The following KDM5B variants were observed in gnomAD, a reference collection of about 807,000 sequenced individuals.
KDM5B encodes the protein lysine-specific demethylase 5B.
Under a neutral mutation model 193.4 loss-of-function variants are expected in KDM5B, and 144 were observed. The ratio of observed to expected loss-of-function variants is 0.74; its 90% CI spans 0.65 to 0.86. The LOEUF is 0.86. Among genes scored for constraint, KDM5B ranks in the 40% least tolerant of loss-of-function variants. KDM5B has a pLI of 0.00. For missense variants in KDM5B, 1,833 were observed against 1,886.9 expected, an observed-to-expected ratio of 0.97 and a Z score of 0.53; for synonymous variants, 668 against 682.6, an observed-to-expected ratio of 0.98 and a Z score of 0.33.
At position 202,728,998 on chromosome 1, in the gene KDM5B, G is replaced by T. The variant is rs758897393; in HGVS notation, c.*38C>A. ...AAGAAATCCTCTTGGTTGGAGTCCT[G>T]AATTACATTAAGTAGGGGGGTATCT... On this transcript the variant is annotated 3_prime_UTR_variant, in exon 27 of 27. Coordinates refer to ENST00000367265, the MANE Select transcript of KDM5B (RefSeq NM_006618.5). 8 of 1,613,300 alleles carry T rather than the reference G, an allele frequency of 5.0e-6. No homozygotes were observed. Among genetic ancestry groups the T allele is most frequent in the South Asian group, 1.1e-5 (1 of 91,020 alleles).
At chr1:202,763,476 T>C (rs1166855974) in intron 6 of KDM5B, among the ~76,000 whole-genome samples, 1 of 152,256 alleles carries the variant, frequency 6.6e-6, no homozygotes. Flanking sequence ...ATTACTTTCC[T>C]GTGCATTGTG....
At position 202,788,676 on chromosome 1, in the gene KDM5B, T is replaced by C. The variant is rs560565920; in HGVS notation, c.205-11582A>G. Among the ~76,000 whole-genome samples, 112 of 152,314 alleles carry C rather than the reference T, an allele frequency of 7.4e-4. 1 individual carries two copies. Among genetic ancestry groups the C allele is most frequent in the Non-Finnish European group, 1.1e-3 (74 of 68,020 alleles). ...ATGATACTTCAATCACTGAATGGGATGAGAAGAAATTTCAGATCCTTCCCC... is the reference window on the plus strand; with the variant it reads ...ATGATACTTCAATCACTGAATGGGACGAGAAGAAATTTCAGATCCTTCCCC... On this transcript the variant is annotated intron_variant, in intron 1 of 26. Transcript: ENST00000367265.
At chr1:202,745,790 C>T in intron 16 of KDM5B, 68 bp downstream of exon 16, 1 of 1,573,728 alleles carries the variant, frequency 6.4e-7, no homozygotes, top group Non-Finnish European at 8.7e-7. Flanking sequence ...GTTTTGTTGA[C>T]TTTAATTTGG....
At chr1:202,748,862 G>A in intron 14 of KDM5B, 83 bp downstream of exon 14, 1 of 1,118,366 alleles carries the variant, frequency 8.9e-7, no homozygotes. Context: ...TAAAAAGACT[G>A]CTTAAAATGA....
intron 22 of KDM5B, among the ~76,000 whole-genome samples, chr1:202,734,735 A>G (rs931829873): frequency 1.3e-5 from 2 of 152,224 alleles, no homozygotes; most frequent in African/African-American, 4.8e-5. Context: ...ATCTGTGTCA[A>G]AATACCTAAA....
At chr1:202,771,630 G>A (rs899891569) in intron 4 of KDM5B, among the ~76,000 whole-genome samples, 12 of 151,564 alleles carry the variant, frequency 7.9e-5, no homozygotes, top group Admixed American at 6.6e-4. Context: ...CACCCAGGCT[G>A]GAGTGCAGTG....
At chr1:202,808,076 G>A (rs772884522) in intron 1 of KDM5B, 26 bp downstream of exon 1, 6 of 1,602,750 alleles carry the variant, frequency 3.7e-6, no homozygotes, top group South Asian at 1.1e-5. Flanking sequence ...GCCACGAGCT[G>A]GATCCGGGGT....
intron 1 of KDM5B, among the ~76,000 whole-genome samples, chr1:202,779,411 G>A (rs549233991): frequency 7.2e-5 from 11 of 151,934 alleles, no homozygotes; most frequent in East Asian, 1.9e-4. Context: ...CCCGGGAGGC[G>A]GAGTTTGCAG....
intron 20 of KDM5B, 92 bp from the exon 21 acceptor site, chr1:202,736,484 C>G (rs1655100837): frequency 2.3e-6 from 2 of 883,716 alleles, no homozygotes; most frequent in Admixed American, 3.1e-5. Flanking sequence ...CCATTGAGTA[C>G]TTCAGATTAC....
intron 1 of KDM5B, chr1:202,796,083 C>G (rs529812740): frequency 4.9e-6 from 1 of 203,900 alleles, no homozygotes; most frequent in South Asian, 7.6e-5. Flanking sequence ...GGTGGTCTCA[C>G]GTTTCAAGGG....
Position 202,763,828 on chromosome 1 carries a change from TTC to T in KDM5B, c.808+219_808+220del, listed in dbSNP as rs1656342382. 1.3e-5 allele frequency among the ~76,000 whole-genome samples: 2 copies of T among 152,224 alleles called. 1 individual carries two copies. Among genetic ancestry groups the T allele is most frequent in the Non-Finnish European group, 2.9e-5 (2 of 68,030 alleles). ...CACTCCTAATATGCATACATATAGT[TTC>T]TGTTTCTCTCTCCCACTAGTCAGTT... On this transcript the variant is annotated intron_variant, in intron 6 of 26. Transcript: ENST00000367265.
chr1:202,776,687 G>A (rs952377188), intron 2 of KDM5B, among the ~76,000 whole-genome samples: 3 of 151,902 alleles, frequency 2.0e-5, no homozygotes, highest in African/African-American at 7.3e-5. Flanking sequence ...TCAGCCTCCC[G>A]AGTAGCTGGA....
chr1:202,808,132 C>T lies in KDM5B; in HGVS notation c.174G>A (p.Gln58=). The T allele has an allele frequency of 6.2e-7, 1 of 1,612,394 alleles. No individual in the cohort carries two copies. ...FIHKIRPIAE[Q]TGICKVRPPP... ...GCGGCCGCACCTTACAGATGCCAGT[C>T]TGCTCGGCTATGGGCCGGATCTTGT... Residue 58 remains glutamine (Q), a synonymous_variant, in exon 1 of 27, where the codon CAG becomes CAA. Coordinates refer to ENST00000367265, the MANE Select transcript of KDM5B (RefSeq NM_006618.5).
chr1:202,745,348 A>G (rs543534725), intron 16 of KDM5B, among the ~76,000 whole-genome samples: 1 of 152,330 alleles, frequency 6.6e-6, no homozygotes, highest in African/African-American at 2.4e-5. Flanking sequence ...AAAACAAACT[A>G]TATTTTCATA....
chr1:202,730,918 G>T lies in KDM5B; in HGVS notation c.4167C>A (p.Ser1389Arg), dbSNP rs373135980. The stretch of plus-strand genomic sequence containing the variant: ...CCTCTCAGACACTCACCTTCTCACT[G>T]CTGGGTCTCACTGGTGAGCTTCGGT... ...QTDRSSPVRP[S>R]SEKNDCCRGK... The change falls in exon 25 of 27, where the codon AGC (serine) becomes AGA (arginine). Residue 1389 changes from serine (S) to arginine (R), a missense_variant. Physicochemically the swap from Ser to Arg is moderately radical, Grantham distance 110 (BLOSUM62 -1). Transcript: ENST00000367265. 4 of 1,603,670 alleles carry T rather than the reference G, an allele frequency of 2.5e-6. No homozygotes were observed. Among genetic ancestry groups the T allele is most frequent in the Non-Finnish European group, 3.4e-6 (4 of 1,173,384 alleles).
intron 1 of KDM5B, among the ~76,000 whole-genome samples, chr1:202,783,040 G>A (rs1195777120): frequency 1.3e-5 from 2 of 152,184 alleles, no homozygotes; most frequent in Non-Finnish European, 2.9e-5. Flanking sequence ...GATGTCAGGA[G>A]TTTGAATCCA....
chr1:202,785,909 T>TC (rs923964251), intron 1 of KDM5B, among the ~76,000 whole-genome samples: 3 of 134,154 alleles, frequency 2.2e-5, no homozygotes, highest in African/African-American at 8.3e-5. Context: ...GACTCCCAAT[T>TC]AAAAAAAAAA....
chr1:202,742,554 C>A, intron 17 of KDM5B, 49 bp from the exon 18 acceptor site: 1 of 1,596,780 alleles, frequency 6.3e-7, no homozygotes, highest in South Asian at 1.1e-5. Flanking sequence ...CATACATGTC[C>A]ACCACACCCA....
intron 7 of KDM5B, among the ~76,000 whole-genome samples, chr1:202,761,424 A>T (rs549924442): frequency 6.6e-6 from 1 of 152,216 alleles, no homozygotes; most frequent in South Asian, 2.1e-4. Flanking sequence ...AGCCATCTCT[A>T]AAAAAATAAA....
Sources: gnomAD v4.1 joint callset for allele counts (sites outside exome capture counted in the v4.1 genomes callset) on GRCh38, gnomAD v4.1.1 for gene constraint, MANE v1.5 for transcripts, NCBI Gene and HGNC (gene_info 2026-07-23, HGNC 2026-07-21) for gene names.